Variants in PRG4 observed in about 807,000 individuals in gnomAD.
The protein encoded by PRG4 is proteoglycan 4, also known as articular superficial zone protein.
Under a neutral mutation model 91.2 loss-of-function variants are expected in PRG4, and 61 were observed. That is an observed-to-expected ratio of 0.67 (90% CI 0.54 to 0.83). The LOEUF (loss-of-function observed/expected upper bound fraction) is 0.83, where lower values mean the gene tolerates loss of function less well. Ranked by LOEUF, PRG4 falls within the 40% of genes least tolerant of loss-of-function variation. The pLI is 0.00. For synonymous variants in PRG4, 576 were observed against 614.2 expected (o/e 0.94, Z 0.92); for missense variants, 1,564 against 1,714.2 (o/e 0.91, Z 1.55).
At chr1:186,311,729 A>G (rs1657254304) in intron 10 of PRG4, 133 bp downstream of exon 10, 1 of 973,774 alleles carries the variant, frequency 1.0e-6, no homozygotes, top group East Asian at 2.6e-5. Flanking sequence ...AAAAAAATCA[A>G]TATTGAGGGT....
At chr1:186,304,314 T>G in intron 5 of PRG4, 57 bp downstream of exon 5, 1 of 1,539,878 alleles carries the variant, frequency 6.5e-7, no homozygotes, top group Non-Finnish European at 9.0e-7. Context: ...AACTTGTAGG[T>G]GACTGCTTAT....
intron 3 of PRG4, among the ~76,000 whole-genome samples, 174 bp downstream of exon 3, chr1:186,300,387 A>G (rs1656129852): frequency 6.6e-6 from 1 of 152,166 alleles, no homozygotes. Flanking sequence ...ACTTGCATAA[A>G]TGTTGCAGCG....
Position 186,304,796 on chromosome 1 carries a change from C to T in PRG4, c.472C>T (p.His158Tyr), listed in dbSNP as rs746407512. Residue 158 changes from histidine (H) to tyrosine (Y), a missense_variant and splice_region_variant, in exon 6 of 13, where the codon CAT (histidine) becomes TAT (tyrosine). By Grantham distance (83) the His-to-Tyr change is moderately conservative. Around this residue, in one of 3 missense-constraint regions of PRG4, gnomAD observed 437 missense variants for 459.0 expected, o/e 0.95. Coordinates refer to ENST00000445192, the MANE Select transcript of PRG4 (RefSeq NM_005807.6). Reference protein sequence around the residue: ...VIESEEITEEHSVSENQESSS... With the variant: ...VIESEEITEEYSVSENQESSS... ...CAAACTTTCTATTTGATTTATAGAA[C>T]ATTCTGTTTCTGAAAATCAAGAGTC... The T allele has an allele frequency of 3.1e-6, 5 of 1,610,786 alleles. No homozygotes were observed. In the African/African-American group the frequency reaches 5.3e-5, roughly 17 times the overall value.
rs757510150 is a variant in PRG4, at chr1:186,306,558, A to G, written c.839A>G (p.Lys280Arg). 2.9e-5 allele frequency: 46 copies of G among 1,613,360 alleles called. 1 individual carries two copies. Among genetic ancestry groups the G allele is most frequent in the Admixed American group, 6.7e-5 (4 of 59,982 alleles). ...TSKETSLTVN[K>R]ETTVETKETT... Reference sequence around the variant, plus strand: ...AAAGAGACGTCTTTGACAGTGAATAAAGAGACAACAGTTGAAACTAAAGAA... The same window carrying G: ...AAAGAGACGTCTTTGACAGTGAATAGAGAGACAACAGTTGAAACTAAAGAA... Residue 280 changes from lysine (K) to arginine (R), a missense_variant, in exon 7 of 13, where the codon AAA becomes AGA. Coordinates refer to ENST00000445192, the MANE Select transcript of PRG4 (RefSeq NM_005807.6).
rs1455458850 is a variant in PRG4, at chr1:186,308,749, A to C, written c.3030A>C (p.Arg1010Ser). 1 of 1,613,980 alleles carries C rather than the reference A, an allele frequency of 6.2e-7. No individual in the cohort carries two copies. The highest frequency in any genetic ancestry group is 8.5e-7 in the Non-Finnish European group (1 of 1,180,038). The stretch of plus-strand genomic sequence containing the variant: ...AAGAAACAGCTAAACCAAAAGACAG[A>C]GCTACTAATTCTAAAGCGACAACTC... ...KPEETAKPKD[R>S]ATNSKATTPK... The change falls in exon 7 of 13, where the codon AGA (arginine) becomes AGC (serine). Residue 1010 changes from arginine (R) to serine (S), a missense_variant. This residue lies in a region of PRG4 where 1,079 missense variants were observed against 1,162.2 expected (regional missense o/e 0.93). Coordinates refer to ENST00000445192, the MANE Select transcript of PRG4 (RefSeq NM_005807.6).
intron 3 of PRG4, 147 bp from the exon 4 acceptor site, chr1:186,301,445 C>T (rs1482502607): frequency 1.7e-6 from 2 of 1,178,022 alleles, no homozygotes; most frequent in Non-Finnish European, 2.4e-6. Flanking sequence ...CTAATTTTTC[C>T]TGGATGATGT....
At chr1:186,296,278 C>A, upstream of PRG4, 1 of 153,890 alleles carries the variant, frequency 6.5e-6, no homozygotes, top group Non-Finnish European at 1.4e-5. Context: ...GGGATAAACT[C>A]ATCTATCCTT....
chr1:186,311,617 A>G, intron 10 of PRG4, 21 bp downstream of exon 10: 1 of 1,607,710 alleles, frequency 6.2e-7, no homozygotes, highest in Non-Finnish European at 8.5e-7. Flanking sequence ...CATAATTGAC[A>G]AGATTACAAA....
intron 12 of PRG4, chr1:186,313,133 T>G (rs539138917): frequency 3.6e-5 from 19 of 523,254 alleles, no homozygotes; most frequent in African/African-American, 3.6e-4. Context: ...GTTACTAGAG[T>G]AAACTTGCTA....
At chr1:186,306,288 A>G (rs1482477227) in intron 6 of PRG4, 30 bp from the exon 7 acceptor site, 1 of 1,504,778 alleles carries the variant, frequency 6.6e-7, no homozygotes, top group Non-Finnish European at 9.0e-7. Context: ...AAAATATTCT[A>G]AAATAACAAG....
At chr1:186,310,494 CTTTT>C (rs1162692025) in intron 8 of PRG4, among the ~76,000 whole-genome samples, 1 of 151,914 alleles carries the variant, frequency 6.6e-6, no homozygotes, top group Non-Finnish European at 1.5e-5. Context: ...AGCCAAAAGG[CTTTT>C]TTGAGACCGG....
At position 186,309,076 on chromosome 1, in the gene PRG4, T is replaced by A. The variant is rs1656980299; in HGVS notation, c.3357T>A (p.Thr1119=). 6.2e-7 allele frequency: 1 copy of A among 1,614,058 alleles called. No homozygotes were observed. The highest frequency in any genetic ancestry group is 8.5e-7 in the Non-Finnish European group (1 of 1,179,972). ...LRPHVFMPEV[T]PDMDYLPRVP... ...CCCATGTGTTCATGCCTGAAGTTAC[T>A]CCCGACATGGATTACTTACCGAGAG... is the stretch of plus-strand genomic sequence containing the variant. Residue 1119 remains threonine, a synonymous_variant, in exon 7 of 13, where the codon ACT becomes ACA. Coordinates refer to ENST00000445192, the MANE Select transcript of PRG4 (RefSeq NM_005807.6).
chr1:186,310,962 T>G, intron 8 of PRG4, 72 bp from the exon 9 acceptor site: 1 of 1,550,662 alleles, frequency 6.4e-7, no homozygotes, highest in Non-Finnish European at 8.9e-7. Flanking sequence ...ACTACATTTT[T>G]TTTCATTTTG....
Position 186,308,829 on chromosome 1 carries a change from C to G in PRG4, c.3110C>G (p.Pro1037Arg), listed in dbSNP as rs1052328500. Residue 1037 changes from proline (P) to arginine (R), a missense_variant, in exon 7 of 13, where the codon CCA becomes CGA. By Grantham distance (103) the Pro-to-Arg change is moderately radical. Coordinates refer to ENST00000445192, the MANE Select transcript of PRG4 (RefSeq NM_005807.6). ...AAAAAACCCACTTCTACCAAAAAGC[C>G]AAAAACAATGCCTAGAGTGAGAAAA... ...APKKPTSTKK[P>R]KTMPRVRKPK... 3.7e-6 allele frequency: 6 copies of G among 1,613,628 alleles called. No individual in the cohort carries two copies. The African/African-American group carries it at 6.7e-5, about 18-fold the overall frequency.
rs372266411 is a variant in PRG4, at chr1:186,306,405, G to A, written c.686G>A (p.Gly229Asp). 1.7e-5 allele frequency: 27 copies of A among 1,613,302 alleles called. No individual in the cohort carries two copies. The African/African-American group carries it at 3.2e-4, about 19-fold the overall frequency. ...GAAGCTGGAAGTGGATTGGACAATG[G>A]TGACTTCAAGGTCACAACTCCTGAC... ...VDEAGSGLDNGDFKVTTPDTS... is the reference protein window; with the variant it reads ...VDEAGSGLDNDDFKVTTPDTS... Residue 229 changes from glycine (G) to aspartate (D), a missense_variant, in exon 7 of 13, where the codon GGT becomes GAT. Coordinates refer to ENST00000445192, the MANE Select transcript of PRG4 (RefSeq NM_005807.6).
intron 6 of PRG4, among the ~76,000 whole-genome samples, chr1:186,305,533 C>A (rs991511056): frequency 2.0e-5 from 3 of 152,164 alleles, no homozygotes; most frequent in African/African-American, 7.2e-5. Context: ...AATATATATT[C>A]TCTTTCTCCA....
At chr1:186,301,737 C>A in intron 4 of PRG4, 26 bp downstream of exon 4, 1 of 1,610,232 alleles carries the variant, frequency 6.2e-7, no homozygotes. Context: ...CCAACCAATG[C>A]TTCTCAGTAC....
chr1:186,309,646 T>C (rs1056720857), intron 7 of PRG4, 147 bp from the exon 8 acceptor site: 3 of 666,478 alleles, frequency 4.5e-6, no homozygotes, highest in Non-Finnish European at 8.1e-6. Context: ...TTATCAAGTA[T>C]ATAACTATGC....
chr1:186,306,891 C>A lies in PRG4; in HGVS notation c.1172C>A (p.Thr391Asn). The A allele has an allele frequency of 6.2e-7, 1 of 1,610,698 alleles. No individual in the cohort carries two copies. The highest frequency in any genetic ancestry group is 1.3e-5 in the African/African-American group (1 of 74,100). Residue 391 changes from threonine to asparagine, a missense_variant, in exon 7 of 13, where the codon ACC becomes AAC. Thr to Asn is a moderately conservative substitution (Grantham distance 65, BLOSUM62 0). This residue lies in a region of PRG4 where 437 missense variants were observed against 459.0 expected (regional missense o/e 0.95). Transcript: ENST00000445192. ...CCCACCACCACCAAGTCTGCACCCA[C>A]CACTCCCAAGGAGCCTGCACCCACC... Reference protein sequence around the residue: ...PAPTTTKSAPTTPKEPAPTTT... With the variant: ...PAPTTTKSAPNTPKEPAPTTT...
Sources: gnomAD v4.1 joint callset for allele counts (sites outside exome capture counted in the v4.1 genomes callset) on GRCh38, gnomAD v4.1.1 for gene constraint, gnomAD v4.1.1 regional missense constraint, MANE v1.5 for transcripts, NCBI Gene and HGNC (gene_info 2026-07-23, HGNC 2026-07-21) for gene names.